The following GSG1L variants were observed in gnomAD, a reference collection of about 807,000 sequenced individuals.
The protein encoded by GSG1L is germ cell-specific gene 1-like protein.
A neutral mutation model predicts 42.1 loss-of-function variants in GSG1L; 24 were observed. The ratio of observed to expected loss-of-function variants is 0.57; its 90% CI spans 0.41 to 0.80. The LOEUF is 0.80. Among genes scored for constraint, GSG1L ranks in the 30% least tolerant of loss-of-function variants. GSG1L has a pLI of 0.00. For missense variants in GSG1L, 445 were observed against 472.2 expected (o/e 0.94, Z 0.53); for synonymous variants, 215 against 203.5 (o/e 1.06, Z -0.48).
At chr16:27,928,167 C>T (rs980246662) in intron 2 of GSG1L, among the ~76,000 whole-genome samples, 2 of 152,196 alleles carry the variant, frequency 1.3e-5, no homozygotes, top group African/African-American at 4.8e-5. Context: ...ACTTCACAAG[C>T]ATTGTCTTCT....
chr16:27,802,078 G>A lies in GSG1L; in HGVS notation c.898+5409C>T, dbSNP rs76226716. ...CTGCTTTCCCTTTCCTGCACCCCAT[G>A]TCATCCTGAGTGGGATGAGGCACCA... On this transcript the variant is annotated intron_variant, in intron 6 of 6. Transcript: ENST00000447459. Among the ~76,000 whole-genome samples, 852 of 152,140 alleles carry A rather than the reference G, an allele frequency of 5.6e-3. 10 individuals are homozygous for A. Among genetic ancestry groups the A allele is most frequent in the African/African-American group, 0.019 (798 of 41,486 alleles).
At chr16:27,798,287 G>A (rs1417560643) in intron 6 of GSG1L, among the ~76,000 whole-genome samples, 2 of 152,146 alleles carry the variant, frequency 1.3e-5, no homozygotes, top group Non-Finnish European at 2.9e-5. Context: ...GTTCCCCTCT[G>A]CCAGGAGCTG....
At chr16:27,985,489 C>G (rs2085371750) in intron 1 of GSG1L, among the ~76,000 whole-genome samples, 1 of 152,178 alleles carries the variant, frequency 6.6e-6, no homozygotes, top group Non-Finnish European at 1.5e-5. Context: ...CAGAAGCTAA[C>G]ACGATGCTTT....
intron 2 of GSG1L, among the ~76,000 whole-genome samples, chr16:27,935,072 A>G (rs1240006127): frequency 6.6e-6 from 1 of 152,216 alleles, no homozygotes; most frequent in Admixed American, 6.5e-5. Flanking sequence ...AGGTGACTTG[A>G]GAAGGTGTTT....
chr16:28,039,424 A>G (rs1213216731), intron 1 of GSG1L, among the ~76,000 whole-genome samples: 1 of 152,132 alleles, frequency 6.6e-6, no homozygotes, highest in Non-Finnish European at 1.5e-5. Context: ...TAAAAACTCT[A>G]CGATGCACAG....
chr16:28,003,619 G>A (rs2085604324), intron 1 of GSG1L, among the ~76,000 whole-genome samples: 1 of 152,240 alleles, frequency 6.6e-6, no homozygotes, highest in Admixed American at 6.5e-5. Flanking sequence ...GGCCGTGACT[G>A]ATGTTGGGGA....
rs2082746168 is a variant in GSG1L at position 27,791,128 on chromosome 16, G to A, written c.*242C>T. The A allele has an allele frequency of 1.9e-5, 7 of 365,292 alleles. No individual in the cohort carries two copies. The highest frequency in any genetic ancestry group is 1.5e-4 in the South Asian group (1 of 6,760). The allele number at this position is 365,292 out of a possible 1,614,324, so 22.6% of individuals were successfully genotyped here. A position where few individuals can be genotyped will look rare whatever the true frequency, so the allele number is the denominator to read the frequency against. ...GCTCATGTGATGATGGCAAGAGTCC[G>A]GGGCTGCTGTCCCAAAGTCACTCTG... is the stretch of plus-strand genomic sequence containing the variant. On this transcript the variant is annotated 3_prime_UTR_variant, in exon 7 of 7. Coordinates refer to ENST00000447459, the MANE Select transcript of GSG1L (RefSeq NM_001109763.2).
chr16:27,808,834 C>T (rs889256082), intron 5 of GSG1L, among the ~76,000 whole-genome samples: 6 of 152,170 alleles, frequency 3.9e-5, no homozygotes, highest in Non-Finnish European at 5.9e-5. Context: ...CCAGAGCGAG[C>T]AGCCTCTGCG....
intron 4 of GSG1L, among the ~76,000 whole-genome samples, chr16:27,831,536 C>A (rs773140600): frequency 4.6e-5 from 7 of 152,178 alleles, no homozygotes; most frequent in African/African-American, 7.2e-5. Flanking sequence ...GGGGACAGAG[C>A]AGGGGATTCT....
At chr16:27,813,395 G>A (rs898084999) in intron 5 of GSG1L, among the ~76,000 whole-genome samples, 6 of 152,208 alleles carry the variant, frequency 3.9e-5, no homozygotes, top group Admixed American at 3.9e-4. Flanking sequence ...TGCTGCAAAG[G>A]ACATGATCTC....
chr16:28,037,593 T>C (rs897167509), intron 1 of GSG1L, among the ~76,000 whole-genome samples: 2 of 152,218 alleles, frequency 1.3e-5, no homozygotes, highest in African/African-American at 4.8e-5. Context: ...GGTCATGCTC[T>C]GGTTTGGGGA....
At chr16:27,876,328 C>T (rs1292579785) in intron 3 of GSG1L, among the ~76,000 whole-genome samples, 1 of 152,022 alleles carries the variant, frequency 6.6e-6, no homozygotes, top group African/African-American at 2.4e-5. Flanking sequence ...AGCACAAGAC[C>T]AAAAGTCACC....
intron 2 of GSG1L, among the ~76,000 whole-genome samples, chr16:27,939,877 G>T (rs535128509): frequency 6.6e-5 from 10 of 151,994 alleles, no homozygotes; most frequent in Admixed American, 3.9e-4. Context: ...GACAAGACCT[G>T]GCTATGTTGC....
At chr16:27,961,418 C>G (rs62033517) in intron 2 of GSG1L, among the ~76,000 whole-genome samples, 24,634 of 152,160 alleles carry the variant, frequency 0.16, 2,502 homozygotes, top group Non-Finnish European at 0.23. Context: ...GCTGCACATC[C>G]CAGAAGGCTG....
chr16:27,909,369 TTTC>T (rs1156521310), intron 2 of GSG1L, among the ~76,000 whole-genome samples: 2 of 148,032 alleles, frequency 1.4e-5, no homozygotes, highest in Admixed American at 1.4e-4. Context: ...TCTTTCTTTC[TTTC>T]TTCTTTTTCT....
chr16:27,979,740 AG>A (rs2085301567), intron 1 of GSG1L, among the ~76,000 whole-genome samples: 2 of 74,216 alleles, frequency 2.7e-5, no homozygotes, highest in African/African-American at 9.9e-5. Context: ...AGAAAAAGAA[AG>A]AAAGAAAGGA....
chr16:27,908,198 A>G (rs2084341519), intron 2 of GSG1L, among the ~76,000 whole-genome samples: 1 of 152,202 alleles, frequency 6.6e-6, no homozygotes, highest in African/African-American at 2.4e-5. Flanking sequence ...AGGATGAAGG[A>G]CCCACTGGGC....
chr16:27,990,990 T>C (rs2085449414), intron 1 of GSG1L, among the ~76,000 whole-genome samples: 1 of 152,254 alleles, frequency 6.6e-6, no homozygotes, highest in Non-Finnish European at 1.5e-5. Context: ...AGAGTCTATG[T>C]GGTCAATCGC....
intron 2 of GSG1L, among the ~76,000 whole-genome samples, chr16:27,937,511 G>GGACT (rs947005320): frequency 2.0e-5 from 3 of 152,282 alleles, no homozygotes; most frequent in Non-Finnish European, 4.4e-5. Flanking sequence ...CAAGGTGCTG[G>GGACT]GACTATAGGC....
Sources: allele counts gnomAD v4.1 joint callset (sites outside exome capture counted in the v4.1 genomes callset), GRCh38; gene constraint gnomAD v4.1.1; transcripts MANE v1.5; gene names NCBI Gene and HGNC (gene_info 2026-07-23, HGNC 2026-07-21).